The following PAK4 variants were observed in gnomAD, a reference collection of about 807,000 sequenced individuals.
PAK4 encodes the protein p21 (RAC1) activated kinase 4.
A neutral mutation model predicts 53.5 loss-of-function variants in PAK4; 49 were observed. The observed-to-expected ratio is 0.92, with a 90% confidence interval of 0.73 to 1.16. PAK4 has a LOEUF of 1.16. PAK4 is among the 50% of genes most tolerant of loss of function. PAK4 has a pLI of 0.00. For synonymous variants in PAK4, 376 were observed against 375.6 expected (o/e 1.00, Z -0.01); for missense variants, 824 against 850.7 (o/e 0.97, Z 0.39).
In PAK4 at chr19:39,158,901, C is replaced by T. The variant is rs552692143; in HGVS notation, c.-22-10631C>T. On this transcript the variant is annotated intron_variant, in intron 1 of 8. Transcript: ENST00000358301. ...TTTGCTCGGCAGAAGGGACCATGCC[C>T]GGCATCCTCTGTAGTGTGTTTGTTC... Among the ~76,000 whole-genome samples the T allele has an allele frequency of 3.3e-5, 5 of 152,286 alleles. No individual in the cohort carries two copies. In the South Asian group the frequency reaches 8.3e-4, roughly 25 times the overall value.
intron 1 of PAK4, among the ~76,000 whole-genome samples, chr19:39,137,753 G>A (rs1192282457): frequency 1.4e-5 from 2 of 148,036 alleles, no homozygotes; most frequent in Non-Finnish European, 3.0e-5. Context: ...TACAACCTCC[G>A]CCTGCCGGGT....
chr19:39,160,431 A>G (rs1027406707), intron 1 of PAK4, among the ~76,000 whole-genome samples: 7 of 152,186 alleles, frequency 4.6e-5, no homozygotes, highest in African/African-American at 1.4e-4. Context: ...CAGTAGGTGT[A>G]GGATGCCAGG....
In PAK4 at chr19:39,175,076, G is replaced by T; in HGVS notation, c.1232+12G>T. On this transcript the variant is annotated intron_variant, in intron 5 of 8. Transcript: ENST00000358301. This position sits in a 1 kb window ranked among gnomAD's most constrained non-coding sequence, Gnocchi z 4.7. ...GTCACCCACACCAGGTATTTCTGGG[G>T]CCTCAGACCCCTCCTGTGACACGAC... 3 of 1,599,574 alleles carry T rather than the reference G, an allele frequency of 1.9e-6. No individual in the cohort carries two copies. The highest frequency in any genetic ancestry group is 1.7e-6 in the Non-Finnish European group (2 of 1,172,540).
chr19:39,144,990 G>A (rs2073976585), intron 1 of PAK4, among the ~76,000 whole-genome samples: 1 of 152,166 alleles, frequency 6.6e-6, no homozygotes, highest in Non-Finnish European at 1.5e-5. Flanking sequence ...AAAGCAAACA[G>A]CCATGAAACT....
intron 1 of PAK4, among the ~76,000 whole-genome samples, chr19:39,143,419 C>G (rs143389203): frequency 0.042 from 6,299 of 150,496 alleles, 300 homozygotes; most frequent in African/African-American, 0.12. Flanking sequence ...AGTGAAACCC[C>G]GTCTCTACTA....
Position 39,173,594 on chromosome 19 carries a change from G to C in PAK4, c.682G>C (p.Ala228Pro). The change falls in exon 4 of 9, where the codon GCC (alanine) becomes CCC (proline). Residue 228 changes from alanine to proline, a missense_variant. By Grantham distance (27) the Ala-to-Pro change is conservative. This residue lies in a region of PAK4 where 478 missense variants were observed against 435.8 expected (regional missense o/e 1.10). Coordinates refer to ENST00000358301, the Ensembl canonical transcript of PAK4. The surrounding 1 kb of genome is among the most constrained non-coding windows in gnomAD (Gnocchi z 6.9). ...GTTTCAGGGGGAGCCTCATGACGTG[G>C]CCCCTAACGGGCCATCAGCGGGGGG... 1.3e-6 allele frequency: 2 copies of C among 1,526,236 alleles called. No individual in the cohort carries two copies. The highest frequency in any genetic ancestry group is 1.8e-6 in the Non-Finnish European group (2 of 1,139,012). The allele number at this position is 1,526,236 out of a possible 1,614,324, so 94.5% of individuals were successfully genotyped here. A position where few individuals can be genotyped will look rare whatever the true frequency, so the allele number is the denominator to read the frequency against.
At chr19:39,142,126 G>T (rs78395398) in intron 1 of PAK4, among the ~76,000 whole-genome samples, 1 of 152,148 alleles carries the variant, frequency 6.6e-6, no homozygotes, top group Non-Finnish European at 1.5e-5. Context: ...ACAGGTGTGC[G>T]CCGTCATGCT....
At chr19:39,169,284 G>A (rs116494698) in intron 1 of PAK4, among the ~76,000 whole-genome samples, 3 of 152,226 alleles carry the variant, frequency 2.0e-5, no homozygotes, top group African/African-American at 7.2e-5. Context: ...GGGGCCTTGT[G>A]GGCCCGCAGG....
chr19:39,155,781 A>G (rs2074170144), intron 1 of PAK4, among the ~76,000 whole-genome samples: 1 of 152,088 alleles, frequency 6.6e-6, no homozygotes, highest in Admixed American at 6.5e-5. Context: ...TCGGGCATCA[A>G]GTCACTCCGC....
chr19:39,131,385 C>T (rs376920461), intron 1 of PAK4, among the ~76,000 whole-genome samples: 11 of 152,174 alleles, frequency 7.2e-5, no homozygotes, highest in East Asian at 1.9e-4. Context: ...CCCACTGGCT[C>T]GTGGTGAGCC....
intron 1 of PAK4, among the ~76,000 whole-genome samples, chr19:39,132,120 G>A (rs2073724171): frequency 6.6e-6 from 1 of 152,220 alleles, no homozygotes; most frequent in African/African-American, 2.4e-5. Context: ...CGCGTGTGCT[G>A]TGAGTCTATG....
intron 1 of PAK4, among the ~76,000 whole-genome samples, chr19:39,128,441 C>G (rs763535994): frequency 1.3e-4 from 20 of 152,200 alleles, no homozygotes; most frequent in Non-Finnish European, 2.4e-4. Flanking sequence ...CTGGCCCAGC[C>G]TCCCAGCCTT....
At chr19:39,163,426 C>T (rs1196004167) in intron 1 of PAK4, among the ~76,000 whole-genome samples, 1 of 152,094 alleles carries the variant, frequency 6.6e-6, no homozygotes, top group South Asian at 2.1e-4. Flanking sequence ...TTTTTGCACG[C>T]TCACGTCTGC....
At chr19:39,134,854 C>G (rs544127299) in intron 1 of PAK4, 2 of 152,342 alleles carry the variant, frequency 1.3e-5, no homozygotes, top group African/African-American at 4.8e-5. Flanking sequence ...ATCCACCCAC[C>G]TCAGCTTCCC....
At chr19:39,134,230 A>G (rs1193188573) in intron 1 of PAK4, among the ~76,000 whole-genome samples, 1 of 152,252 alleles carries the variant, frequency 6.6e-6, no homozygotes, top group African/African-American at 2.4e-5. Flanking sequence ...TAATATGCCC[A>G]TAGAAAAGTG....
At chr19:39,181,622 C>G (rs936054195), downstream of PAK4, 1 of 152,410 alleles carries the variant, frequency 6.6e-6, no homozygotes, top group African/African-American at 2.4e-5. Context: ...CTGGCAGACC[C>G]TTCCTGACCC....
Position 39,178,408 on chromosome 19 carries a change from C to T in PAK4, c.1621-16C>T, listed in dbSNP as rs1427381344. The T allele has an allele frequency of 2.5e-6, 4 of 1,571,658 alleles. No homozygotes were observed. The highest frequency in any genetic ancestry group is 4.7e-5 in the East Asian group (2 of 42,224). ...TGGGGAGCCTCGCCCCCTGACCCTC[C>T]CCTCCTTCTCGACAGGTGTCGCCAT... On this transcript the variant is annotated splice_polypyrimidine_tract_variant and intron_variant, in intron 8 of 8. Transcript: ENST00000358301. The surrounding 1 kb of genome is among the most constrained non-coding windows in gnomAD (Gnocchi z 4.4).
intron 1 of PAK4, among the ~76,000 whole-genome samples, chr19:39,131,606 G>A (rs530968803): frequency 2.6e-5 from 4 of 152,344 alleles, no homozygotes; most frequent in African/African-American, 9.6e-5. Context: ...AGGGGCCGAG[G>A]AGGGTGAGAA....
intron 1 of PAK4, among the ~76,000 whole-genome samples, chr19:39,164,633 G>A (rs1264647209): frequency 6.6e-6 from 1 of 152,168 alleles, no homozygotes; most frequent in East Asian, 1.9e-4. Context: ...CCACGAGGAG[G>A]CATTTTGGGG....
Sources: allele counts gnomAD v4.1 joint callset (sites outside exome capture counted in the v4.1 genomes callset), GRCh38; gene constraint gnomAD v4.1.1; regional missense constraint gnomAD v4.1.1; non-coding constraint Gnocchi (gnomAD v3.1); transcripts MANE v1.5; gene names NCBI Gene and HGNC (gene_info 2026-07-23, HGNC 2026-07-21).